The following ADGRA2 variants were observed in gnomAD, a reference collection of about 807,000 sequenced individuals.
ADGRA2 encodes G-protein coupled receptor 124.
A neutral mutation model predicts 98.7 loss-of-function variants in ADGRA2; 61 were observed. That is an observed-to-expected ratio of 0.62 (90% CI 0.50 to 0.76). The LOEUF (loss-of-function observed/expected upper bound fraction) is 0.76. ADGRA2 is among the 30% of genes least tolerant of loss of function. ADGRA2 has a pLI of 0.00. For synonymous variants in ADGRA2, 858 were observed against 831.5 expected (o/e 1.03, Z -0.55); for missense variants, 1,712 against 1,860.0 (o/e 0.92, Z 1.46).
At chr8:37,839,685 A>C (rs1363843803) in intron 16 of ADGRA2, 63 bp downstream of exon 16, 4 of 1,581,158 alleles carry the variant, frequency 2.5e-6, no homozygotes, top group Non-Finnish European at 3.5e-6. Context: ...CTAGGCATAG[A>C]GTGGGGTGAT....
intron 2 of ADGRA2, among the ~76,000 whole-genome samples, chr8:37,823,178 A>G (rs961333443): frequency 7.0e-6 from 1 of 143,798 alleles, no homozygotes; most frequent in South Asian, 2.2e-4. Context: ...GGTGTGAACC[A>G]CCATGCCCAA....
rs151078291 is a variant in ADGRA2 at position 37,844,757 on chromosome 8, C to T, written c.*2402C>T. On this transcript the variant is annotated 3_prime_UTR_variant, in exon 19 of 19. Coordinates refer to ENST00000412232, the MANE Select transcript of ADGRA2 (RefSeq NM_032777.10). ...TTCCCACCTCCCCTTCTCCTTGCCC[C>T]TGTCCCCACCCCGGTGGCTCCTTCT... The T allele has an allele frequency of 2.5e-6, 4 of 1,613,832 alleles. No individual in the cohort carries two copies. The highest frequency in any genetic ancestry group is 3.4e-6 in the Non-Finnish European group (4 of 1,179,914).
chr8:37,810,848 G>A (rs970037681), intron 1 of ADGRA2, among the ~76,000 whole-genome samples: 3 of 151,984 alleles, frequency 2.0e-5, no homozygotes, highest in East Asian at 2.0e-4. Flanking sequence ...CGCGGTGGCC[G>A]TATCATGCCT....
Position 37,844,159 on chromosome 8 carries a change from C to G in ADGRA2, c.*1804C>G, listed in dbSNP as rs1169607516. Reference sequence around the variant, plus strand: ...GCAGAGGGAAGCCCCCTCAGGCCTGCAGGAGGAGCCGCAGCAGTGTGTCCA... The same window carrying G: ...GCAGAGGGAAGCCCCCTCAGGCCTGGAGGAGGAGCCGCAGCAGTGTGTCCA... On this transcript the variant is annotated 3_prime_UTR_variant, in exon 19 of 19. Coordinates refer to ENST00000412232, the MANE Select transcript of ADGRA2 (RefSeq NM_032777.10). 1 of 284,870 alleles carries G rather than the reference C, an allele frequency of 3.5e-6. No homozygotes were observed. The highest frequency in any genetic ancestry group is 6.7e-6 in the Non-Finnish European group (1 of 148,778). 17.6% of individuals were successfully genotyped at this position (284,870 alleles called of 1,614,324 possible).
chr8:37,816,365 G>A (rs1395783171), intron 2 of ADGRA2, among the ~76,000 whole-genome samples: 1 of 152,142 alleles, frequency 6.6e-6, no homozygotes, highest in Non-Finnish European at 1.5e-5. Context: ...GGCCGAGGCG[G>A]GTGGATCACT....
Position 37,842,368 on chromosome 8 carries a change from G to A in ADGRA2, c.*13G>A. The A allele has an allele frequency of 6.9e-7, 1 of 1,450,816 alleles. No homozygotes were observed. The highest frequency in any genetic ancestry group is 9.1e-7 in the Non-Finnish European group (1 of 1,103,816). The allele number at this position is 1,450,816 out of a possible 1,614,324, so 89.9% of individuals were successfully genotyped here. On this transcript the variant is annotated 3_prime_UTR_variant, in exon 19 of 19. Coordinates refer to ENST00000412232, the MANE Select transcript of ADGRA2 (RefSeq NM_032777.10). ...AACTACCGTCTAAGGTGGGGCGGGCGACGCGGTAGACGGGCTGGCCACGCG... is the reference window on the plus strand; with the variant it reads ...AACTACCGTCTAAGGTGGGGCGGGCAACGCGGTAGACGGGCTGGCCACGCG...
intron 2 of ADGRA2, among the ~76,000 whole-genome samples, chr8:37,816,590 TCAAACACA>T (rs1484088386): frequency 1.1e-3 from 129 of 121,160 alleles, no homozygotes; most frequent in African/African-American, 4.2e-3. Context: ...AGACTCCGTC[TCAAACACA>T]CACACACACA....
Position 37,839,046 on chromosome 8 carries a change from C to T in ADGRA2, c.2350C>T (p.Leu784Phe). 6.2e-7 allele frequency: 1 copy of T among 1,609,188 alleles called. No homozygotes were observed. The part of the protein sequence containing the change: ...YPCTALLLLC[L>F]FATIITYILN... ...CTGCACGGCCTTGCTGCTGCTCTGC[C>T]TCTTCGCCACCATCATCACCTACAT... Residue 784 changes from leucine (L) to phenylalanine (F), a missense_variant, in exon 15 of 19, where the codon CTC becomes TTC. Physicochemically the swap from Leu to Phe is conservative, Grantham distance 22. Coordinates refer to ENST00000412232, the MANE Select transcript of ADGRA2 (RefSeq NM_032777.10).
At position 37,842,453 on chromosome 8, in the gene ADGRA2, C is replaced by G; in HGVS notation, c.*98C>G. ...GTCTCCGTAGTCAGCAGGTTGGAGG[C>G]AGAGGAGCCGATGGCTGGAGGAAGC... On this transcript the variant is annotated 3_prime_UTR_variant, in exon 19 of 19. Coordinates refer to ENST00000412232, the MANE Select transcript of ADGRA2 (RefSeq NM_032777.10). 1 of 1,374,402 alleles carries G rather than the reference C, an allele frequency of 7.3e-7. No individual in the cohort carries two copies. Among genetic ancestry groups the G allele is most frequent in the Non-Finnish European group, 9.4e-7 (1 of 1,063,514 alleles). The allele number at this position is 1,374,402 out of a possible 1,614,324, so 85.1% of individuals were successfully genotyped here.
At chr8:37,837,588 C>T (rs183533979) in intron 13 of ADGRA2, 143 bp from the exon 14 acceptor site, 268 of 700,882 alleles carry the variant, frequency 3.8e-4, no homozygotes, top group African/African-American at 2.5e-3. Flanking sequence ...GGCATCTCAC[C>T]GCATGCCCCC....
chr8:37,840,778 A>G lies in ADGRA2; in HGVS notation c.2676A>G (p.Gly892=), dbSNP rs771692258. 5 of 1,601,896 alleles carry G rather than the reference A, an allele frequency of 3.1e-6. No individual in the cohort carries two copies. In the South Asian group the frequency reaches 5.5e-5, roughly 18 times the overall value. The change falls in exon 18 of 19, where the codon GGA becomes GGG. Residue 892 remains glycine (G), a synonymous_variant. Transcript: ENST00000412232. ...SPMLRFYLIA[G]GIPLIICGIT... ...CCTCCAGGTTCTATTTGATCGCTGG[A>G]GGGATTCCACTCATTATCTGTGGCA...
chr8:37,821,576 A>G (rs1355150947), intron 2 of ADGRA2, among the ~76,000 whole-genome samples: 4 of 152,174 alleles, frequency 2.6e-5, no homozygotes, highest in Non-Finnish European at 5.9e-5. Context: ...CAGTCACAGT[A>G]AGATGCCTCT....
rs746212460 is a variant in ADGRA2 at position 37,831,441 on chromosome 8, C to T, written c.951C>T (p.His317=). ...CCCGCAGTGAGCTGACGCTGTCTCA[C>T]ATCGGCGTGTGGGCCTCAGGCGAGT... ...TFITSELTLS[H]IGVWASGEWE... The change falls in exon 8 of 19, where the codon CAC becomes CAT. Residue 317 remains histidine (H), a synonymous_variant. Transcript: ENST00000412232. The T allele has an allele frequency of 2.5e-6, 4 of 1,612,068 alleles. No individual in the cohort carries two copies. Among genetic ancestry groups the T allele is most frequent in the Admixed American group, 3.3e-5 (2 of 60,016 alleles).
In ADGRA2 at chr8:37,843,641, T is replaced by C. The variant is rs1371423279; in HGVS notation, c.*1286T>C. On this transcript the variant is annotated 3_prime_UTR_variant, in exon 19 of 19. Coordinates refer to ENST00000412232, the MANE Select transcript of ADGRA2 (RefSeq NM_032777.10). ...TCCCAGTCTTCACATCACTCTGGCC[T>C]CATCACCAAGGTGACAGAGGACACA... 6.6e-6 allele frequency: 1 copy of C among 152,230 alleles called. No homozygotes were observed. The highest frequency in any genetic ancestry group is 2.4e-5 in the African/African-American group (1 of 41,368). 9.4% of individuals were successfully genotyped at this position (152,230 alleles called of 1,614,324 possible). A position where few individuals can be genotyped will look rare whatever the true frequency, so the allele number is the denominator to read the frequency against.
rs758322284 is a variant in ADGRA2, at chr8:37,833,801, C to A, written c.1410C>A (p.Ile470=). The change falls in exon 10 of 19, where the codon ATC becomes ATA. Residue 470 remains isoleucine, a synonymous_variant. Transcript: ENST00000412232. ...MMDVVYVAQM[I]QKFLGYVDQI... is the part of the protein sequence containing the mutation. ...ATGTAGTCTATGTGGCTCAGATGATCCAGAAATTTTTGGGTTATGTCGACC... is the reference window on the plus strand; with the variant it reads ...ATGTAGTCTATGTGGCTCAGATGATACAGAAATTTTTGGGTTATGTCGACC... 1.9e-6 allele frequency: 3 copies of A among 1,614,042 alleles called. No homozygotes were observed. The highest frequency in any genetic ancestry group is 2.2e-5 in the South Asian group (2 of 91,086).
Position 37,844,508 on chromosome 8 carries a change from A to G in ADGRA2, c.*2153A>G, listed in dbSNP as rs747705104. 6.2e-7 allele frequency: 1 copy of G among 1,613,104 alleles called. No individual in the cohort carries two copies. On this transcript the variant is annotated 3_prime_UTR_variant, in exon 19 of 19. Transcript: ENST00000412232. ...ATATCCATCAGGGAGGGTTAGGGAC[A>G]CTCGTGGCAGCCTGTCTAGCAGCCT...
chr8:37,805,984 T>C (rs1804647654), intron 1 of ADGRA2, among the ~76,000 whole-genome samples: 1 of 151,874 alleles, frequency 6.6e-6, no homozygotes, highest in African/African-American at 2.4e-5. Flanking sequence ...CTGGGCAACA[T>C]AGTGAGACCT....
rs1446151501 is a variant in ADGRA2, at chr8:37,830,570, C to T, written c.719-140C>T. The T allele has an allele frequency of 3.1e-6, 2 of 636,860 alleles. No homozygotes were observed. Among genetic ancestry groups the T allele is most frequent in the East Asian group, 5.5e-5 (2 of 36,586 alleles). The allele number at this position is 636,860 out of a possible 1,614,324, so 39.5% of individuals were successfully genotyped here. A position where few individuals can be genotyped will look rare whatever the true frequency, so the allele number is the denominator to read the frequency against. On this transcript the variant is annotated intron_variant, in intron 6 of 18. Coordinates refer to ENST00000412232, the MANE Select transcript of ADGRA2 (RefSeq NM_032777.10). This position sits in a 1 kb window ranked among gnomAD's most constrained non-coding sequence, Gnocchi z 4.8. ...CTTACCCCTAGAGACTTTCTCTTGA[C>T]CCCTTTTCCTTCCCAGCTGGAGCAG...
intron 1 of ADGRA2, among the ~76,000 whole-genome samples, chr8:37,811,546 G>A (rs1406964859): frequency 2.8e-5 from 4 of 143,880 alleles, no homozygotes; most frequent in Admixed American, 2.1e-4. Flanking sequence ...GTGCAATCTC[G>A]GCTCACTGGA....
Sources: allele counts gnomAD v4.1 joint callset (sites outside exome capture counted in the v4.1 genomes callset), GRCh38; gene constraint gnomAD v4.1.1; non-coding constraint Gnocchi (gnomAD v3.1); transcripts MANE v1.5; gene names NCBI Gene and HGNC (gene_info 2026-07-23, HGNC 2026-07-21).